The following PRDM5 variants were observed in gnomAD, a reference collection of about 807,000 sequenced individuals.
PRDM5 encodes the protein PR domain zinc finger protein 5.
Under a neutral mutation model 81.2 loss-of-function variants are expected in PRDM5, and 56 were observed. The observed-to-expected ratio is 0.69, with a 90% CI of 0.56 to 0.86. The LOEUF is 0.86. PRDM5 is among the 40% of genes least tolerant of loss of function. The pLI is 0.00. For synonymous variants in PRDM5, 267 were observed against 256.4 expected (o/e 1.04, Z -0.39); for missense variants, 697 against 770.1 (o/e 0.91, Z 1.12).
chr4:120,739,811 T>C (rs1271784281), intron 14 of PRDM5, among the ~76,000 whole-genome samples: 2 of 151,978 alleles, frequency 1.3e-5, no homozygotes, highest in African/African-American at 4.8e-5. Context: ...AATTTAAAAC[T>C]TTCTTTTCTG....
chr4:120,895,286 T>C (rs1320986709), intron 2 of PRDM5, among the ~76,000 whole-genome samples: 3 of 152,000 alleles, frequency 2.0e-5, no homozygotes, highest in South Asian at 2.1e-4. Flanking sequence ...GGAACAGAAA[T>C]GGGTAGAGAT....
intron 2 of PRDM5, among the ~76,000 whole-genome samples, chr4:120,880,506 CA>C: frequency 6.6e-6 from 1 of 152,150 alleles, no homozygotes; most frequent in East Asian, 1.9e-4. Flanking sequence ...AATATATTCA[CA>C]ATATTATCAA....
intron 2 of PRDM5, among the ~76,000 whole-genome samples, chr4:120,873,742 AATCTAC>A (rs1436031544): frequency 6.6e-6 from 1 of 152,204 alleles, no homozygotes; most frequent in African/African-American, 2.4e-5. Flanking sequence ...TAATTTCCAA[AATCTAC>A]TTTTTCCCCA....
At chr4:120,796,442 T>C (rs746662699) in intron 10 of PRDM5, among the ~76,000 whole-genome samples, 7 of 152,198 alleles carry the variant, frequency 4.6e-5, no homozygotes, top group Non-Finnish European at 8.8e-5. Flanking sequence ...GGTGCAAAGA[T>C]CCTGTGCCAA....
intron 3 of PRDM5, among the ~76,000 whole-genome samples, chr4:120,848,554 ATAGT>A (rs1319326966): frequency 2.0e-5 from 3 of 152,332 alleles, no homozygotes; most frequent in South Asian, 2.1e-4. Flanking sequence ...GTCACAGTAA[ATAGT>A]TAATAAATAC....
chr4:120,770,464 C>CT (rs10610024), intron 13 of PRDM5, among the ~76,000 whole-genome samples: 8,653 of 146,710 alleles, frequency 0.059, 391 homozygotes, highest in African/African-American at 0.14. Context: ...TCTCATTTCT[C>CT]TTTTTTTTTT....
rs1029750743 is a variant in PRDM5, at chr4:120,781,436, A to G, written c.1283-133T>C. The G allele has an allele frequency of 1.5e-5, 12 of 806,246 alleles. No individual in the cohort carries two copies. In the Admixed American group the frequency reaches 2.1e-4, roughly 14 times the overall value. The allele number at this position is 806,246 out of a possible 1,614,324, so 49.9% of individuals were successfully genotyped here. A position where few individuals can be genotyped will look rare whatever the true frequency, so the allele number is the denominator to read the frequency against. ...TAAGAATGTTAACTTTTTATTTTTT[A>G]CAACAAATTCCAGTTCCATTATTTG... On this transcript the variant is annotated intron_variant, in intron 11 of 15. Coordinates refer to ENST00000264808, the MANE Select transcript of PRDM5 (RefSeq NM_018699.4).
At chr4:120,756,928 C>A (rs373478115) in intron 13 of PRDM5, among the ~76,000 whole-genome samples, 1 of 152,116 alleles carries the variant, frequency 6.6e-6, no homozygotes, top group East Asian at 1.9e-4. Flanking sequence ...TAAGATAATT[C>A]AATATTCATA....
intron 8 of PRDM5, among the ~76,000 whole-genome samples, chr4:120,804,913 C>G (rs1158606228): frequency 6.6e-6 from 1 of 152,062 alleles, no homozygotes; most frequent in Non-Finnish European, 1.5e-5. Flanking sequence ...AATCCAGGAG[C>G]TGGTTTTTTG....
intron 13 of PRDM5, among the ~76,000 whole-genome samples, chr4:120,758,586 A>T (rs368697400): frequency 7.2e-5 from 11 of 152,046 alleles, no homozygotes; most frequent in African/African-American, 2.4e-4. Flanking sequence ...GCCAGGAGAG[A>T]GGCCTGGAGC....
At chr4:120,783,973 G>A (rs1230586499) in intron 11 of PRDM5, among the ~76,000 whole-genome samples, 6 of 151,994 alleles carry the variant, frequency 3.9e-5, no homozygotes, top group Non-Finnish European at 8.8e-5. Context: ...TCTTTCCTCA[G>A]GAATATTAAA....
At position 120,753,848 on chromosome 4, in the gene PRDM5, T is replaced by C. The variant is rs562425500; in HGVS notation, c.1623+705A>G. 5.9e-5 allele frequency among the ~76,000 whole-genome samples: 9 copies of C among 152,302 alleles called. No homozygotes were observed. In the East Asian group the frequency reaches 1.5e-3, roughly 26 times the overall value. ...TTTAAAACAATATAAAATTTCCATGTGGAAAGTTCATTTAAAGTGTCTAAT... is the reference window on the plus strand; with the variant it reads ...TTTAAAACAATATAAAATTTCCATGCGGAAAGTTCATTTAAAGTGTCTAAT... On this transcript the variant is annotated intron_variant, in intron 14 of 15. Transcript: ENST00000264808.
intron 2 of PRDM5, among the ~76,000 whole-genome samples, chr4:120,892,607 C>T (rs1384096216): frequency 6.6e-6 from 1 of 152,176 alleles, no homozygotes; most frequent in Admixed American, 6.5e-5. Context: ...TTCACAGGGG[C>T]GCACCTGCCC....
intron 14 of PRDM5, among the ~76,000 whole-genome samples, chr4:120,722,967 A>T (rs1037943916): frequency 3.3e-5 from 5 of 152,130 alleles, no homozygotes; most frequent in African/African-American, 1.2e-4. Flanking sequence ...CTTCCTCTGA[A>T]ATTCTTGTCA....
intron 1 of PRDM5, among the ~76,000 whole-genome samples, chr4:120,913,452 T>C (rs1488505299): frequency 1.3e-5 from 2 of 152,226 alleles, no homozygotes; most frequent in Non-Finnish European, 2.9e-5. Flanking sequence ...CCAGTTGATA[T>C]AGCAGAGGTC....
At chr4:120,843,091 G>C (rs1395562950) in intron 3 of PRDM5, among the ~76,000 whole-genome samples, 2 of 152,048 alleles carry the variant, frequency 1.3e-5, no homozygotes, top group Admixed American at 1.3e-4. Flanking sequence ...CAGCACTTTA[G>C]GATGCCGAGG....
chr4:120,760,286 A>T (rs1298731590), intron 13 of PRDM5, among the ~76,000 whole-genome samples: 1 of 152,150 alleles, frequency 6.6e-6, no homozygotes, highest in Non-Finnish European at 1.5e-5. Flanking sequence ...ATCAAGAAAA[A>T]GTAGGGGGCA....
intron 5 of PRDM5, 91 bp downstream of exon 5, chr4:120,818,262 A>ACG: frequency 7.1e-7 from 1 of 1,410,696 alleles, no homozygotes; most frequent in South Asian, 1.2e-5. Context: ...GCGTGCACAC[A>ACG]CACACACACA....
intron 9 of PRDM5, among the ~76,000 whole-genome samples, chr4:120,798,639 T>G (rs901209120): frequency 6.6e-6 from 1 of 152,226 alleles, no homozygotes; most frequent in Non-Finnish European, 1.5e-5. Flanking sequence ...TTTGAATTTT[T>G]AAAGTAGCTT....
Sources: allele counts gnomAD v4.1 joint callset (sites outside exome capture counted in the v4.1 genomes callset), GRCh38; gene constraint gnomAD v4.1.1; transcripts MANE v1.5; gene names NCBI Gene and HGNC (gene_info 2026-07-23, HGNC 2026-07-21).